Variants in ATG7 observed in about 807,000 individuals in gnomAD.
The protein encoded by ATG7 is ubiquitin-like modifier-activating enzyme ATG7.
In ATG7, 70 loss-of-function variants were observed where a neutral mutation model predicts 82.4. That is an observed-to-expected ratio of 0.85 (90% CI 0.70 to 1.04). ATG7 has a LOEUF of 1.04. Among genes scored for constraint, ATG7 ranks in the 50% least tolerant of loss-of-function variants. The pLI is 0.00. For synonymous variants in ATG7, 287 were observed against 313.0 expected, an observed-to-expected ratio of 0.92 and a Z score of 0.88; for missense variants, 792 against 864.3, an observed-to-expected ratio of 0.92 and a Z score of 1.05.
chr3:11,542,817 C>T (rs772820144), intron 20 of ATG7, among the ~76,000 whole-genome samples: 4 of 152,192 alleles, frequency 2.6e-5, no homozygotes, highest in Non-Finnish European at 4.4e-5. Flanking sequence ...AACGGCTGAG[C>T]ATAACCTGTG....
intron 20 of ATG7, among the ~76,000 whole-genome samples, chr3:11,511,152 G>T (rs1270686332): frequency 6.6e-6 from 1 of 152,156 alleles, no homozygotes; most frequent in African/African-American, 2.4e-5. Flanking sequence ...AAAGAACAAA[G>T]CTTCCACAGC....
chr3:11,357,750 C>T (rs562672372), intron 14 of ATG7, among the ~76,000 whole-genome samples: 71 of 152,126 alleles, frequency 4.7e-4, no homozygotes, highest in African/African-American at 1.7e-3. Context: ...GTGGCTCATG[C>T]CTGTAATTCC....
rs1326279183 is a variant in ATG7, at chr3:11,373,579, T to A, written c.1876-6393T>A. Among the ~76,000 whole-genome samples the A allele has an allele frequency of 2.0e-5, 3 of 152,190 alleles. No homozygotes were observed. In the East Asian group the frequency reaches 5.8e-4, roughly 29 times the overall value. On this transcript the variant is annotated intron_variant, in intron 18 of 20. Transcript: ENST00000693202. Reference sequence around the variant, plus strand: ...TGATGAGGCAAGTTTAGAAAAACACTGAGCAACACTTTGCTTTATAGACTT... The same window carrying A: ...TGATGAGGCAAGTTTAGAAAAACACAGAGCAACACTTTGCTTTATAGACTT...
At chr3:11,434,340 A>G (rs1408832401) in intron 20 of ATG7, among the ~76,000 whole-genome samples, 2 of 152,208 alleles carry the variant, frequency 1.3e-5, no homozygotes, top group South Asian at 2.1e-4. Context: ...TTTCCAATGG[A>G]GAGAAATCGC....
At chr3:11,442,645 G>A (rs909166985) in intron 20 of ATG7, among the ~76,000 whole-genome samples, 5 of 140,388 alleles carry the variant, frequency 3.6e-5, no homozygotes, top group Admixed American at 2.3e-4. Flanking sequence ...TTACATGCCT[G>A]TAATCTCAGC....
intron 20 of ATG7, among the ~76,000 whole-genome samples, chr3:11,456,903 A>G (rs1263286056): frequency 6.6e-6 from 1 of 152,204 alleles, no homozygotes; most frequent in African/African-American, 2.4e-5. Flanking sequence ...GTTGGTATAC[A>G]GCACCTCTCA....
chr3:11,431,602 G>A (rs1254493966), intron 20 of ATG7, among the ~76,000 whole-genome samples: 1 of 152,136 alleles, frequency 6.6e-6, no homozygotes, highest in African/African-American at 2.4e-5. Flanking sequence ...CTTTCTGTCT[G>A]TAAGGATTTT....
intron 20 of ATG7, among the ~76,000 whole-genome samples, chr3:11,427,606 A>G (rs1219791959): frequency 1.3e-5 from 2 of 151,612 alleles, no homozygotes; most frequent in African/African-American, 2.4e-5. Flanking sequence ...TCACAAGGTC[A>G]GGAGTTTGAG....
intron 9 of ATG7, among the ~76,000 whole-genome samples, chr3:11,330,335 C>T (rs1951466733): frequency 6.6e-6 from 1 of 152,194 alleles, no homozygotes; most frequent in Non-Finnish European, 1.5e-5. Context: ...TGTCCCTTCA[C>T]ATTTATTCCA....
chr3:11,542,191 A>C (rs571819634), intron 20 of ATG7, among the ~76,000 whole-genome samples: 2 of 152,388 alleles, frequency 1.3e-5, no homozygotes, highest in African/African-American at 4.8e-5. Flanking sequence ...TGAGAGCCCC[A>C]AAACCAGTCT....
At chr3:11,349,867 T>C (rs75238550) in intron 14 of ATG7, among the ~76,000 whole-genome samples, 22 of 152,350 alleles carry the variant, frequency 1.4e-4, no homozygotes, top group African/African-American at 5.3e-4. Context: ...TTGAGTTATA[T>C]CATTAGAAAT....
intron 9 of ATG7, among the ~76,000 whole-genome samples, chr3:11,329,998 C>T (rs902682600): frequency 1.3e-5 from 2 of 152,046 alleles, no homozygotes; most frequent in Non-Finnish European, 2.9e-5. Context: ...TTGAGGAGTA[C>T]TGATTAGTTA....
At chr3:11,430,701 G>T (rs1033622522) in intron 20 of ATG7, among the ~76,000 whole-genome samples, 2 of 152,174 alleles carry the variant, frequency 1.3e-5, no homozygotes, top group African/African-American at 4.8e-5. Context: ...ACCCTCAAGG[G>T]CTCATAGTCT....
chr3:11,549,133 G>A (rs2071547687), intron 20 of ATG7, among the ~76,000 whole-genome samples: 1 of 152,008 alleles, frequency 6.6e-6, no homozygotes, highest in South Asian at 2.1e-4. Flanking sequence ...TAAGTGTCCA[G>A]TTTGTTGAGT....
At chr3:11,303,651 G>C (rs1471068576) in intron 5 of ATG7, among the ~76,000 whole-genome samples, 1 of 151,570 alleles carries the variant, frequency 6.6e-6, no homozygotes, top group Non-Finnish European at 1.5e-5. Context: ...CTGGGCGACA[G>C]AGCGAGACTC....
At chr3:11,462,705 T>C (rs1390253657) in intron 20 of ATG7, among the ~76,000 whole-genome samples, 2 of 152,112 alleles carry the variant, frequency 1.3e-5, no homozygotes, top group African/African-American at 4.8e-5. Context: ...GGCCCTTTGC[T>C]GGCTCTAAGA....
At position 11,348,011 on chromosome 3, in the gene ATG7, G is replaced by C; in HGVS notation, c.1260G>C (p.Arg420=). 6.2e-7 allele frequency: 1 copy of C among 1,613,824 alleles called. No homozygotes were observed. The highest frequency in any genetic ancestry group is 8.5e-7 in the Non-Finnish European group (1 of 1,179,804). Residue 420 remains arginine, a synonymous_variant, in exon 14 of 21, where the codon CGG becomes CGC. Coordinates refer to ENST00000693202, the MANE Select transcript of ATG7 (RefSeq NM_001349232.2). The part of the protein sequence containing the change: ...GKPKALAAAD[R]LQKIFPGVNA... ...CCAAGGCTCTGGCAGCAGCGGACCG[G>C]CTCCAGAAAATATTCCCCGGTGTGG...
intron 20 of ATG7, among the ~76,000 whole-genome samples, chr3:11,489,774 T>C (rs1212041194): frequency 6.6e-6 from 1 of 151,418 alleles, no homozygotes; most frequent in East Asian, 1.9e-4. Flanking sequence ...AGTTTCCATG[T>C]AGTTGAGCGG....
intron 20 of ATG7, among the ~76,000 whole-genome samples, chr3:11,449,145 G>C (rs1423477034): frequency 6.6e-6 from 1 of 152,200 alleles, no homozygotes; most frequent in Non-Finnish European, 1.5e-5. Context: ...TGCAGCGTGA[G>C]CTTGTAATGC....
Sources: gnomAD v4.1 joint callset for allele counts (sites outside exome capture counted in the v4.1 genomes callset) on GRCh38, gnomAD v4.1.1 for gene constraint, MANE v1.5 for transcripts, NCBI Gene and HGNC (gene_info 2026-07-23, HGNC 2026-07-21) for gene names.